The following CLIC5 variants were observed in gnomAD, a reference collection of about 807,000 sequenced individuals.
The protein encoded by CLIC5 is chloride intracellular channel protein 5.
A neutral mutation model predicts 24.7 loss-of-function variants in CLIC5; 20 were observed. The observed-to-expected ratio is 0.81, with a 90% CI of 0.57 to 1.18. The LOEUF is 1.18. CLIC5 is among the 50% of genes most tolerant of loss of function. The pLI, the probability that CLIC5 is intolerant of heterozygous loss-of-function variation, is 0.00. For synonymous variants in CLIC5, 159 were observed against 135.6 expected, an observed-to-expected ratio of 1.17 and a Z score of -1.20; for missense variants, 341 against 326.1, an observed-to-expected ratio of 1.05 and a Z score of -0.35.
chr6:45,971,171 A>G (rs972730303), intron 1 of CLIC5, among the ~76,000 whole-genome samples: 1 of 152,224 alleles, frequency 6.6e-6, no homozygotes, highest in Admixed American at 6.5e-5. Flanking sequence ...ACCACATTCT[A>G]ATACTACTAT....
downstream of CLIC5, among the ~76,000 whole-genome samples, chr6:45,893,855 A>G (rs1284129732): frequency 3.9e-5 from 6 of 152,158 alleles, no homozygotes; most frequent in African/African-American, 1.4e-4. Flanking sequence ...CCTTATGTGG[A>G]CTAAAAAAAG....
At chr6:46,006,334 CG>C (rs1766581196) in intron 1 of CLIC5, among the ~76,000 whole-genome samples, 1 of 147,966 alleles carries the variant, frequency 6.8e-6, no homozygotes. Flanking sequence ...TTAGTAGAGA[CG>C]GGGTTTCACC....
At chr6:46,005,764 G>A (rs556389745) in intron 1 of CLIC5, among the ~76,000 whole-genome samples, 4 of 151,966 alleles carry the variant, frequency 2.6e-5, no homozygotes, top group African/African-American at 9.7e-5. Context: ...GGGCTGAAGA[G>A]AATAGAGTTA....
intron 1 of CLIC5, among the ~76,000 whole-genome samples, chr6:45,973,908 A>G (rs11961195): frequency 0.65 from 98,230 of 150,296 alleles, 32,461 homozygotes; most frequent in Admixed American, 0.73. Flanking sequence ...CCAGCCTGGC[A>G]ACAGAGCAAG....
intron 1 of CLIC5, among the ~76,000 whole-genome samples, chr6:46,030,792 C>T (rs1353439170): frequency 6.6e-6 from 1 of 152,230 alleles, no homozygotes; most frequent in Non-Finnish European, 1.5e-5. Context: ...CCTTAAAACT[C>T]ATGCTCCCAC....
chr6:45,885,131 T>C (rs137878735), intron 6 of CLIC5, among the ~76,000 whole-genome samples: 29 of 152,200 alleles, frequency 1.9e-4, no homozygotes, highest in Admixed American at 7.8e-4. Context: ...CAAACTCATA[T>C]GTTGAAATCC....
At chr6:45,946,679 G>T (rs968262053) in intron 3 of CLIC5, among the ~76,000 whole-genome samples, 1 of 152,186 alleles carries the variant, frequency 6.6e-6, no homozygotes, top group African/African-American at 2.4e-5. Flanking sequence ...TGGTGAGGCT[G>T]GTGGTTTGTT....
At chr6:46,115,608 A>G in the CLIC5 span, among the ~76,000 whole-genome samples, 2 of 152,210 alleles carry the variant, frequency 1.3e-5, no homozygotes, top group Non-Finnish European at 2.9e-5. Context: ...AGTACTGTTA[A>G]CCAATTTTGT....
At chr6:45,975,260 G>A (rs953676764) in intron 1 of CLIC5, among the ~76,000 whole-genome samples, 1 of 152,106 alleles carries the variant, frequency 6.6e-6, no homozygotes, top group African/African-American at 2.4e-5. Context: ...GGAAACCCCA[G>A]CAAATTCAAG....
chr6:45,932,578 C>G (rs943711299), intron 4 of CLIC5: 1 of 152,378 alleles, frequency 6.6e-6, no homozygotes, highest in African/African-American at 2.4e-5. Context: ...CCAGAGCCGG[C>G]TGCAGGAATC....
intron 1 of CLIC5, among the ~76,000 whole-genome samples, chr6:46,020,960 C>A (rs1354809730): frequency 1.3e-5 from 2 of 151,706 alleles, no homozygotes; most frequent in South Asian, 4.2e-4. Context: ...GCCCCATATA[C>A]CTTCATTAAT....
At chr6:46,128,733 T>A in the CLIC5 span, among the ~76,000 whole-genome samples, 1 of 152,090 alleles carries the variant, frequency 6.6e-6, no homozygotes, top group South Asian at 2.1e-4. Flanking sequence ...GGTTCTAGGG[T>A]CTGCAGGTTC....
At chr6:45,922,692 A>G (rs1763310320) in intron 4 of CLIC5, among the ~76,000 whole-genome samples, 1 of 152,202 alleles carries the variant, frequency 6.6e-6, no homozygotes. Context: ...TAAAAGCCAC[A>G]GTAGATTTGA....
At chr6:45,992,506 A>G (rs1319064263) in intron 1 of CLIC5, among the ~76,000 whole-genome samples, 1 of 152,238 alleles carries the variant, frequency 6.6e-6, no homozygotes, top group Non-Finnish European at 1.5e-5. Context: ...TAGAAAGACC[A>G]CAGAATTCAG....
chr6:46,100,511 G>A, the CLIC5 span, among the ~76,000 whole-genome samples: 1 of 152,172 alleles, frequency 6.6e-6, no homozygotes, highest in Non-Finnish European at 1.5e-5. Flanking sequence ...ACTAGCTACA[G>A]ATTTGCAAAC....
At chr6:45,952,767 G>A (rs577504654) in intron 2 of CLIC5, among the ~76,000 whole-genome samples, 85 of 152,232 alleles carry the variant, frequency 5.6e-4, no homozygotes, top group African/African-American at 1.8e-3. Context: ...TCTGAAGCAC[G>A]CGGGCAGGGG....
At chr6:46,014,516 T>C (rs1766923555) in intron 1 of CLIC5, 1 of 152,182 alleles carries the variant, frequency 6.6e-6, no homozygotes, top group Non-Finnish European at 1.5e-5. Flanking sequence ...TTGTGAAAGG[T>C]CTTGGCGCCC....
chr6:46,080,327 G>T, exon 1 of CLIC5: 1 of 1,180,700 alleles, frequency 8.5e-7, no homozygotes, highest in Non-Finnish European at 1.2e-6. Context: ...GCACCACCTT[G>T]CAGAGGAATC....
At chr6:45,971,845 A>G (rs1765211364) in intron 1 of CLIC5, among the ~76,000 whole-genome samples, 1 of 152,242 alleles carries the variant, frequency 6.6e-6, no homozygotes, top group African/African-American at 2.4e-5. Context: ...CCTGCTGAAG[A>G]ATTAAAAGAT....
Sources: allele counts gnomAD v4.1 joint callset (sites outside exome capture counted in the v4.1 genomes callset), GRCh38; gene constraint gnomAD v4.1.1; transcripts MANE v1.5; gene names NCBI Gene and HGNC (gene_info 2026-07-23, HGNC 2026-07-21).